Variants in CMIP observed in about 807,000 individuals in gnomAD.
CMIP encodes C-Maf-inducing protein.
A neutral mutation model predicts 97.3 loss-of-function variants in CMIP; 13 were observed. The ratio of observed to expected loss-of-function variants is 0.13; its 90% CI spans 0.09 to 0.21. CMIP has a LOEUF of 0.21. Ranked by LOEUF, CMIP falls within the 10% of genes least tolerant of loss-of-function variation. The pLI, the probability that CMIP is intolerant of heterozygous loss-of-function variation, is 1.00. For synonymous variants in CMIP, 538 were observed against 436.3 expected, an observed-to-expected ratio of 1.23 and a Z score of -2.91; for missense variants, 847 against 1,024.9, an observed-to-expected ratio of 0.83 and a Z score of 2.37.
chr16:81,536,169 AT>A (rs2090338814), intron 1 of CMIP, among the ~76,000 whole-genome samples: 1 of 152,232 alleles, frequency 6.6e-6, no homozygotes, highest in African/African-American at 2.4e-5. Flanking sequence ...GTAAGTGTTA[AT>A]TATTAAAATT....
chr16:81,602,655 A>G (rs1374862465), intron 1 of CMIP, among the ~76,000 whole-genome samples: 1 of 152,238 alleles, frequency 6.6e-6, no homozygotes, highest in South Asian at 2.1e-4. Flanking sequence ...TCAGGATGTC[A>G]TATAAATGGA....
At chr16:81,511,540 T>TAGATTTCCTGC (rs2089809680) in intron 1 of CMIP, among the ~76,000 whole-genome samples, 1 of 152,224 alleles carries the variant, frequency 6.6e-6, no homozygotes, top group Non-Finnish European at 1.5e-5. Context: ...GTATTTCCTG[T>TAGATTTCCTGC]AGATTTCCTG....
At chr16:81,452,009 G>C (rs745977282) in intron 1 of CMIP, among the ~76,000 whole-genome samples, 1 of 152,232 alleles carries the variant, frequency 6.6e-6, no homozygotes, top group Non-Finnish European at 1.5e-5. Flanking sequence ...GATGAGACGT[G>C]CGTGTGGGGG....
intron 1 of CMIP, among the ~76,000 whole-genome samples, chr16:81,597,209 A>G (rs1020200841): frequency 2.6e-4 from 39 of 152,166 alleles, no homozygotes; most frequent in Non-Finnish European, 7.3e-5. Context: ...CAGAGCTGTC[A>G]CAAGGTGGAT....
intron 1 of CMIP, among the ~76,000 whole-genome samples, chr16:81,583,984 G>A (rs1374905006): frequency 6.6e-6 from 1 of 151,448 alleles, no homozygotes; most frequent in African/African-American, 2.5e-5. Context: ...AATAAGAGGA[G>A]GCAGAGGTAG....
intron 1 of CMIP, among the ~76,000 whole-genome samples, chr16:81,578,490 G>T (rs2091240227): frequency 6.6e-6 from 1 of 152,204 alleles, no homozygotes; most frequent in Non-Finnish European, 1.5e-5. Context: ...GAGTTCTCCA[G>T]ATGTTTTGTG....
chr16:81,513,835 TCATTC>T (rs1385525691), intron 1 of CMIP, among the ~76,000 whole-genome samples: 2 of 152,340 alleles, frequency 1.3e-5, no homozygotes, highest in African/African-American at 4.8e-5. Flanking sequence ...GGGCTGGCTT[TCATTC>T]CACTGACTTG....
chr16:81,550,098 T>TA (rs1159256887), intron 1 of CMIP, among the ~76,000 whole-genome samples: 1 of 152,208 alleles, frequency 6.6e-6, no homozygotes, highest in Non-Finnish European at 1.5e-5. Context: ...CCTATGGCTG[T>TA]AGGACGAAGG....
At chr16:81,539,843 C>A (rs150880463) in intron 1 of CMIP, among the ~76,000 whole-genome samples, 1 of 152,196 alleles carries the variant, frequency 6.6e-6, no homozygotes, top group African/African-American at 2.4e-5. Flanking sequence ...ATGCACAGTT[C>A]ATAGCATGTG....
At position 81,660,910 on chromosome 16, in the gene CMIP, C is replaced by T; in HGVS notation, c.708C>T (p.Asn236=). ...IVAIAPLLEN[N]HPPPDLCEFF... ...CAATCGCTCCTTTGCTGGAAAACAACCACCCACCACCAGATCTCTGTGAAT... is the reference window on the plus strand; with the variant it reads ...CAATCGCTCCTTTGCTGGAAAACAATCACCCACCACCAGATCTCTGTGAAT... Residue 236 remains asparagine, a synonymous_variant, in exon 6 of 21, where the codon AAC becomes AAT. Transcript: ENST00000537098. 6.2e-7 allele frequency: 1 copy of T among 1,613,960 alleles called. No homozygotes were observed. The highest frequency in any genetic ancestry group is 8.5e-7 in the Non-Finnish European group (1 of 1,179,870).
intron 1 of CMIP, among the ~76,000 whole-genome samples, chr16:81,533,307 G>C (rs2090276997): frequency 6.6e-6 from 1 of 152,142 alleles, no homozygotes; most frequent in African/African-American, 2.4e-5. Flanking sequence ...ACATAGTTTT[G>C]AGTGAGTGAA....
At chr16:81,522,198 G>A (rs1264142458) in intron 1 of CMIP, among the ~76,000 whole-genome samples, 2 of 152,220 alleles carry the variant, frequency 1.3e-5, no homozygotes, top group Non-Finnish European at 1.5e-5. Context: ...CGATGATCAG[G>A]AGCTCCCATT....
intron 1 of CMIP, among the ~76,000 whole-genome samples, chr16:81,563,585 G>C (rs1395032560): frequency 1.3e-5 from 2 of 152,222 alleles, no homozygotes; most frequent in African/African-American, 4.8e-5. Flanking sequence ...GCACATTAAA[G>C]CTGAGACACT....
At position 81,689,485 on chromosome 16, in the gene CMIP, G is replaced by A. The variant is rs1044037524; in HGVS notation, c.1389-2290G>A. ...TGAGAAGTGTCTGTTCATATCCTTC[G>A]CCCACTTTTTGATGGGGTTGATTTT... On this transcript the variant is annotated intron_variant, in intron 10 of 20. Coordinates refer to ENST00000537098, the MANE Select transcript of CMIP (RefSeq NM_198390.3). Among the ~76,000 whole-genome samples, 32 of 152,228 alleles carry A rather than the reference G, an allele frequency of 2.1e-4. 1 individual carries two copies. Among genetic ancestry groups the A allele is most frequent in the African/African-American group, 5.8e-4 (24 of 41,530 alleles).
At chr16:81,644,596 A>G (rs1038268336) in intron 3 of CMIP, among the ~76,000 whole-genome samples, 1 of 152,208 alleles carries the variant, frequency 6.6e-6, no homozygotes, top group African/African-American at 2.4e-5. Context: ...GGACTCAAGA[A>G]GGCCAAAAAT....
intron 1 of CMIP, among the ~76,000 whole-genome samples, chr16:81,448,004 G>C (rs904101479): frequency 6.6e-5 from 10 of 152,340 alleles, no homozygotes; most frequent in African/African-American, 1.9e-4. Flanking sequence ...TTTATAGTGC[G>C]GCCCAAGCAC....
chr16:81,458,749 T>C (rs1172677285), intron 1 of CMIP, among the ~76,000 whole-genome samples: 1 of 152,178 alleles, frequency 6.6e-6, no homozygotes, highest in Non-Finnish European at 1.5e-5. Context: ...AGACATTTCA[T>C]ATGAGGCCAT....
At chr16:81,466,677 C>T (rs1332320313) in intron 1 of CMIP, among the ~76,000 whole-genome samples, 5 of 152,202 alleles carry the variant, frequency 3.3e-5, no homozygotes, top group Non-Finnish European at 7.3e-5. Flanking sequence ...AAACCAATGC[C>T]ATCCAATTGA....
chr16:81,455,883 G>A (rs369784328), intron 1 of CMIP, among the ~76,000 whole-genome samples: 1 of 152,202 alleles, frequency 6.6e-6, no homozygotes, highest in East Asian at 1.9e-4. Flanking sequence ...TGTCTCGAAG[G>A]TGATCCCATC....
Sources: allele counts gnomAD v4.1 joint callset (sites outside exome capture counted in the v4.1 genomes callset), GRCh38; gene constraint gnomAD v4.1.1; transcripts MANE v1.5; gene names NCBI Gene and HGNC (gene_info 2026-07-23, HGNC 2026-07-21).